The following ZMIZ1 variants were observed in gnomAD, a reference collection of about 807,000 sequenced individuals.
The protein encoded by ZMIZ1 is zinc finger MIZ-type containing 1.
Under a neutral mutation model 113.9 loss-of-function variants are expected in ZMIZ1, and 17 were observed. The ratio of observed to expected loss-of-function variants is 0.15; its 90% CI spans 0.10 to 0.22. The LOEUF (loss-of-function observed/expected upper bound fraction) is 0.22. ZMIZ1 is among the 10% of genes least tolerant of loss of function. The pLI is 1.00. For missense variants in ZMIZ1, 1,059 were observed against 1,477.8 expected, an observed-to-expected ratio of 0.72 and a Z score of 4.65; for synonymous variants, 607 against 603.1, an observed-to-expected ratio of 1.01 and a Z score of -0.09.
intron 7 of ZMIZ1, among the ~76,000 whole-genome samples, chr10:79,221,321 C>G (rs986148093): frequency 6.6e-6 from 1 of 152,200 alleles, no homozygotes; most frequent in African/African-American, 2.4e-5. Context: ...GAGGCGAGCA[C>G]AGGCAGTCAC....
chr10:79,196,721 T>TA (rs1191338291), intron 4 of ZMIZ1, among the ~76,000 whole-genome samples: 1 of 152,246 alleles, frequency 6.6e-6, no homozygotes, highest in Non-Finnish European at 1.5e-5. Context: ...TCTAAGCTCC[T>TA]GTGCCTGCTT....
chr10:79,075,475 T>C (rs545839641), intron 1 of ZMIZ1, among the ~76,000 whole-genome samples: 154 of 152,306 alleles, frequency 1.0e-3, no homozygotes, highest in African/African-American at 3.6e-3. Flanking sequence ...GGGGGCTTCA[T>C]TTGTCCCCAA....
intron 24 of ZMIZ1, among the ~76,000 whole-genome samples, chr10:79,311,926 C>A (rs1410624282): frequency 6.6e-6 from 1 of 152,212 alleles, no homozygotes; most frequent in Non-Finnish European, 1.5e-5. Flanking sequence ...GTTCTTCACC[C>A]CCAGCCCTGC....
chr10:79,135,238 A>G (rs1048750749), intron 2 of ZMIZ1, among the ~76,000 whole-genome samples: 22 of 152,220 alleles, frequency 1.4e-4, no homozygotes, highest in Admixed American at 9.8e-4. Flanking sequence ...GAGGCCAGGC[A>G]GTTGAGGTCA....
chr10:79,215,583 G>A (rs921624329), intron 6 of ZMIZ1, among the ~76,000 whole-genome samples: 8 of 152,196 alleles, frequency 5.3e-5, no homozygotes, highest in South Asian at 2.1e-4. Flanking sequence ...ATAGGTGTGA[G>A]CCACCACACC....
intron 1 of ZMIZ1, among the ~76,000 whole-genome samples, chr10:79,090,959 G>T (rs553082622): frequency 2.0e-5 from 3 of 152,318 alleles, no homozygotes; most frequent in South Asian, 2.1e-4. Context: ...TCCTCTGCCC[G>T]TCTGTGCCAA....
At chr10:79,088,756 C>A (rs1842894263) in intron 1 of ZMIZ1, among the ~76,000 whole-genome samples, 1 of 152,176 alleles carries the variant, frequency 6.6e-6, no homozygotes, top group South Asian at 2.1e-4. Context: ...GTTTCCTAAG[C>A]CAGGTCTGAG....
At chr10:79,186,122 T>C (rs999597376) in intron 4 of ZMIZ1, among the ~76,000 whole-genome samples, 9 of 152,028 alleles carry the variant, frequency 5.9e-5, no homozygotes, top group Non-Finnish European at 1.2e-4. Flanking sequence ...TGGGTCCAAA[T>C]ACCAGACACA....
intron 1 of ZMIZ1, among the ~76,000 whole-genome samples, chr10:79,113,221 G>A (rs1427874150): frequency 6.6e-6 from 1 of 152,220 alleles, no homozygotes; most frequent in Non-Finnish European, 1.5e-5. Context: ...TGGTGCCGAG[G>A]TCCTTGGCAT....
intron 1 of ZMIZ1, among the ~76,000 whole-genome samples, chr10:79,110,461 G>T (rs931646550): frequency 1.3e-5 from 2 of 152,180 alleles, no homozygotes; most frequent in Non-Finnish European, 2.9e-5. Context: ...CCGTCCCACC[G>T]AAGAAGAGTT....
intron 8 of ZMIZ1, chr10:79,285,438 A>T: frequency 4.4e-6 from 2 of 455,762 alleles, no homozygotes; most frequent in South Asian, 3.1e-5. Flanking sequence ...GGGCTGAATC[A>T]GCCCCATTTC....
At chr10:79,188,208 A>G (rs779446842) in intron 4 of ZMIZ1, among the ~76,000 whole-genome samples, 1 of 152,232 alleles carries the variant, frequency 6.6e-6, no homozygotes, top group Non-Finnish European at 1.5e-5. Context: ...CTAGGGCCTC[A>G]GGTAGAGAAT....
intron 7 of ZMIZ1, among the ~76,000 whole-genome samples, chr10:79,235,076 C>T (rs897858779): frequency 4.6e-5 from 7 of 152,256 alleles, no homozygotes; most frequent in Non-Finnish European, 7.3e-5. Context: ...CATCAGGCCT[C>T]CCACTCCTTG....
rs750774633 is a variant in ZMIZ1, at chr10:79,315,506, C to T, written c.*2757C>T. ...ACCCGGCCCACAGGCATGTTTCTGCCGCCACTCCGCAAGATGGACAGGGAG... is the reference window on the plus strand; with the variant it reads ...ACCCGGCCCACAGGCATGTTTCTGCTGCCACTCCGCAAGATGGACAGGGAG... On this transcript the variant is annotated 3_prime_UTR_variant, in exon 25 of 25. Transcript: ENST00000334512. The T allele has an allele frequency of 2.6e-5, 4 of 152,828 alleles. No individual in the cohort carries two copies. Among genetic ancestry groups the T allele is most frequent in the African/African-American group, 4.8e-5 (2 of 41,454 alleles). The allele number at this position is 152,828 out of a possible 1,614,324, so 9.5% of individuals were successfully genotyped here.
At chr10:79,307,133 C>T (rs566090008) in intron 22 of ZMIZ1, among the ~76,000 whole-genome samples, 1 of 152,238 alleles carries the variant, frequency 6.6e-6, no homozygotes, top group Non-Finnish European at 1.5e-5. Context: ...GTCCCCCACT[C>T]CCCACAGGAG....
chr10:79,162,288 C>G (rs534014134), intron 4 of ZMIZ1, among the ~76,000 whole-genome samples, 155 bp downstream of exon 4: 94 of 152,376 alleles, frequency 6.2e-4, no homozygotes, highest in African/African-American at 2.2e-3. Flanking sequence ...GGGACCTCAT[C>G]ATGCCCCCAA....
intron 9 of ZMIZ1, among the ~76,000 whole-genome samples, chr10:79,290,566 A>T (rs1293850846): frequency 6.6e-6 from 1 of 152,146 alleles, no homozygotes; most frequent in African/African-American, 2.4e-5. Context: ...CCCCTGTGTG[A>T]CAAGACGCTG....
At position 79,095,054 on chromosome 10, in the gene ZMIZ1, C is replaced by G. The variant is rs150073669; in HGVS notation, c.-336-23861C>G. ...TTGGACCAGAGAGGGCTGTCCCTGC[C>G]CAGCTGGCTACAGGAGCTCTGACTC... On this transcript the variant is annotated intron_variant, in intron 1 of 24. Coordinates refer to ENST00000334512, the MANE Select transcript of ZMIZ1 (RefSeq NM_020338.4). 3.7e-3 allele frequency among the ~76,000 whole-genome samples: 563 copies of G among 152,284 alleles called. 6 individuals are homozygous for G. Among genetic ancestry groups the G allele is most frequent in the African/African-American group, 0.013 (532 of 41,564 alleles).
chr10:79,170,650 C>T, intron 4 of ZMIZ1, among the ~76,000 whole-genome samples: 1 of 152,200 alleles, frequency 6.6e-6, no homozygotes, highest in Non-Finnish European at 1.5e-5. Context: ...TCCTGCAGCT[C>T]CTCTGAGGCA....
Sources: gnomAD v4.1 joint callset for allele counts (sites outside exome capture counted in the v4.1 genomes callset) on GRCh38, gnomAD v4.1.1 for gene constraint, MANE v1.5 for transcripts, NCBI Gene and HGNC (gene_info 2026-07-23, HGNC 2026-07-21) for gene names.